The following ATP9A variants were observed in gnomAD, a reference collection of about 807,000 sequenced individuals.
ATP9A encodes ATPase phospholipid transporting 9A, also known as probable phospholipid-transporting ATPase IIA.
Under a neutral mutation model 144.1 loss-of-function variants are expected in ATP9A, and 52 were observed. That is an observed-to-expected ratio of 0.36 (90% CI 0.29 to 0.45). ATP9A has a LOEUF of 0.45. Among genes scored for constraint, ATP9A ranks in the 20% least tolerant of loss-of-function variants. The pLI, the probability that ATP9A is intolerant of heterozygous loss-of-function variation, is 1.00. For missense variants in ATP9A, 947 were observed against 1,392.7 expected, an observed-to-expected ratio of 0.68 and a Z score of 5.09; for synonymous variants, 582 against 557.4, an observed-to-expected ratio of 1.04 and a Z score of -0.62.
intron 15 of ATP9A, among the ~76,000 whole-genome samples, chr20:51,630,918 C>T (rs776632759): frequency 6.6e-6 from 1 of 152,172 alleles, no homozygotes; most frequent in Admixed American, 6.5e-5. Flanking sequence ...CACGCGGACC[C>T]TTTCCCTGTG....
intron 4 of ATP9A, among the ~76,000 whole-genome samples, chr20:51,699,113 A>G (rs930019451): frequency 6.6e-6 from 1 of 152,110 alleles, no homozygotes; most frequent in Admixed American, 6.6e-5. Flanking sequence ...AGGCCGAGGC[A>G]GGTAGATCAC....
At chr20:51,625,954 A>G (rs1321924498) in intron 17 of ATP9A, among the ~76,000 whole-genome samples, 6 of 152,252 alleles carry the variant, frequency 3.9e-5, no homozygotes, top group Admixed American at 3.9e-4. Flanking sequence ...TGGCTTACAA[A>G]GAACTCAAAT....
intron 7 of ATP9A, among the ~76,000 whole-genome samples, chr20:51,691,628 G>A (rs367972871): frequency 2.6e-5 from 4 of 152,336 alleles, no homozygotes. Context: ...GGAGAATGTG[G>A]AGGCCCTGTG....
At chr20:51,645,443 C>T (rs1009814557) in intron 14 of ATP9A, among the ~76,000 whole-genome samples, 1 of 152,138 alleles carries the variant, frequency 6.6e-6, no homozygotes, top group African/African-American at 2.4e-5. Context: ...TGGCGTGAAC[C>T]CGGGAGGTGG....
chr20:51,731,134 T>C (rs1315187328), intron 1 of ATP9A, among the ~76,000 whole-genome samples: 4 of 151,300 alleles, frequency 2.6e-5, no homozygotes, highest in South Asian at 4.2e-4. Flanking sequence ...TGAAACCCCG[T>C]CTCTGCTGAA....
chr20:51,662,833 G>A (rs2077416479), intron 13 of ATP9A, among the ~76,000 whole-genome samples: 1 of 152,022 alleles, frequency 6.6e-6, no homozygotes, highest in Non-Finnish European at 1.5e-5. Flanking sequence ...CACTTTGGGA[G>A]GCTGAGGCGG....
intron 19 of ATP9A, 90 bp from the exon 20 acceptor site, chr20:51,619,133 A>C: frequency 8.8e-7 from 1 of 1,132,354 alleles, no homozygotes; most frequent in African/African-American, 1.5e-5. Context: ...ACATGAAGAC[A>C]ACGGCCACCC....
At chr20:51,757,154 G>C (rs1475325536) in intron 1 of ATP9A, among the ~76,000 whole-genome samples, 1 of 152,018 alleles carries the variant, frequency 6.6e-6, no homozygotes, top group African/African-American at 2.4e-5. Flanking sequence ...TCCATAACAG[G>C]GAATCATCAA....
At chr20:51,724,416 A>G (rs2077703628) in intron 3 of ATP9A, among the ~76,000 whole-genome samples, 1 of 152,148 alleles carries the variant, frequency 6.6e-6, no homozygotes, top group African/African-American at 2.4e-5. Context: ...GCCCCCTGGA[A>G]TAGTCTCCTT....
At chr20:51,639,134 G>T (rs1327045522) in intron 15 of ATP9A, among the ~76,000 whole-genome samples, 1 of 152,152 alleles carries the variant, frequency 6.6e-6, no homozygotes, top group African/African-American at 2.4e-5. Context: ...TTTCACTCCA[G>T]AACCAGGGAC....
intron 1 of ATP9A, among the ~76,000 whole-genome samples, chr20:51,764,634 G>A (rs977847563): frequency 1.3e-5 from 2 of 152,050 alleles, no homozygotes; most frequent in African/African-American, 4.8e-5. Flanking sequence ...GAAATGGGTG[G>A]ATCCGGTTCA....
intron 13 of ATP9A, among the ~76,000 whole-genome samples, chr20:51,659,009 G>A (rs1309928324): frequency 6.7e-6 from 1 of 149,758 alleles, no homozygotes; most frequent in African/African-American, 2.5e-5. Flanking sequence ...CTCTGCTCCA[G>A]CCATGCTGGC....
rs1568825103 is a variant in ATP9A, at chr20:51,696,182, T to TGACC, written c.496-42_496-39dup. 9 of 1,603,462 alleles carry TGACC rather than the reference T, an allele frequency of 5.6e-6. No homozygotes were observed. In the South Asian group the frequency reaches 8.8e-5, roughly 16 times the overall value. On this transcript the variant is annotated intron_variant, in intron 5 of 27. Transcript: ENST00000338821. Reference sequence around the variant, plus strand: ...AAGAAAGACTGTTACTGTGAATGAATGACCGTGTGCTGTGCGGTGGGGAGG... The same window carrying TGACC: ...AAGAAAGACTGTTACTGTGAATGAATGACCGACCGTGTGCTGTGCGGTGGGGAGG...
intron 22 of ATP9A, among the ~76,000 whole-genome samples, chr20:51,615,042 TA>T (rs2077197789): frequency 2.2e-5 from 3 of 139,512 alleles, no homozygotes; most frequent in African/African-American, 7.9e-5. Context: ...TGAGCATGAA[TA>T]TTATATAGTA....
At chr20:51,726,120 C>T (rs1211871344) in intron 2 of ATP9A, among the ~76,000 whole-genome samples, 188 bp from the exon 3 acceptor site, 2 of 151,946 alleles carry the variant, frequency 1.3e-5, no homozygotes, top group Non-Finnish European at 2.9e-5. Flanking sequence ...CGAGACCAGC[C>T]TGACCAACAT....
Position 51,723,036 on chromosome 20 carries a change from G to A in ATP9A, c.327+2783C>T, listed in dbSNP as rs778557118. Among the ~76,000 whole-genome samples the A allele has an allele frequency of 2.0e-5, 3 of 152,118 alleles. No homozygotes were observed. The South Asian group carries it at 6.2e-4, about 32-fold the overall frequency. ...CAATCGACGAGTGGATAAATAAACT[G>A]TGGTATATATATTCAATGGACTACT... On this transcript the variant is annotated intron_variant, in intron 3 of 27. Coordinates refer to ENST00000338821, the MANE Select transcript of ATP9A (RefSeq NM_006045.3).
chr20:51,670,975 C>A, intron 12 of ATP9A, 140 bp downstream of exon 12: 1 of 993,336 alleles, frequency 1.0e-6, no homozygotes, highest in Non-Finnish European at 1.5e-6. Flanking sequence ...ACCAAAGAAT[C>A]TTCATCAAAA....
chr20:51,625,074 G>T, intron 18 of ATP9A, 118 bp downstream of exon 18: 3 of 878,018 alleles, frequency 3.4e-6, no homozygotes, highest in Non-Finnish European at 3.4e-6. Context: ...TTGCAGATAA[G>T]GCACTCCTGG....
intron 17 of ATP9A, 95 bp from the exon 18 acceptor site, chr20:51,625,457 C>T: frequency 7.1e-7 from 1 of 1,414,908 alleles, no homozygotes; most frequent in Admixed American, 2.3e-5. Context: ...ACCCGATCCC[C>T]ACCACACGGG....
Sources: allele counts gnomAD v4.1 joint callset (sites outside exome capture counted in the v4.1 genomes callset), GRCh38; gene constraint gnomAD v4.1.1; transcripts MANE v1.5; gene names NCBI Gene and HGNC (gene_info 2026-07-23, HGNC 2026-07-21).